The following SGK3 variants were observed in gnomAD, a reference collection of about 807,000 sequenced individuals.
SGK3 encodes the protein serum/glucocorticoid regulated kinase family member 3, also known as serine/threonine-protein kinase Sgk3.
In SGK3, 47 loss-of-function variants were observed where a neutral mutation model predicts 68.5. The ratio of observed to expected loss-of-function variants is 0.69; its 90% CI spans 0.54 to 0.87. The LOEUF (loss-of-function observed/expected upper bound fraction) is 0.87, where lower values mean the gene tolerates loss of function less well. Ranked by LOEUF, SGK3 falls within the 40% of genes least tolerant of loss-of-function variation. SGK3 has a pLI of 0.00. For synonymous variants in SGK3, 181 were observed against 189.1 expected (o/e 0.96, Z 0.35); for missense variants, 479 against 575.5 (o/e 0.83, Z 1.72).
chr8:66,722,099 G>T (rs1227681134), intron 1 of SGK3, among the ~76,000 whole-genome samples: 1 of 152,064 alleles, frequency 6.6e-6, no homozygotes, highest in African/African-American at 2.4e-5. Context: ...TAGGGATAGA[G>T]GATCAGGCCC....
intron 1 of SGK3, among the ~76,000 whole-genome samples, chr8:66,766,619 A>G (rs921794950): frequency 4.6e-5 from 7 of 152,168 alleles, no homozygotes; most frequent in South Asian, 4.1e-4. Context: ...TACTTGTGTT[A>G]TTATGAAAGG....
intron 6 of SGK3, among the ~76,000 whole-genome samples, chr8:66,823,579 G>A (rs1220266708): frequency 1.3e-5 from 2 of 151,922 alleles, no homozygotes; most frequent in Non-Finnish European, 1.5e-5. Flanking sequence ...TGTATTTTTA[G>A]TAGAGATGGA....
chr8:66,827,131 C>T (rs533327060), intron 6 of SGK3, among the ~76,000 whole-genome samples: 2 of 151,472 alleles, frequency 1.3e-5, no homozygotes, highest in African/African-American at 2.4e-5. Flanking sequence ...CCTGTAATCC[C>T]GCCACTTTGG....
At chr8:66,727,014 A>C (rs369324386) in intron 1 of SGK3, among the ~76,000 whole-genome samples, 1 of 152,140 alleles carries the variant, frequency 6.6e-6, no homozygotes, top group South Asian at 2.1e-4. Flanking sequence ...AATCCATGGA[A>C]ATAGAGCAAT....
At chr8:66,808,083 A>G (rs897688055) in intron 4 of SGK3, among the ~76,000 whole-genome samples, 1 of 152,218 alleles carries the variant, frequency 6.6e-6, no homozygotes, top group African/African-American at 2.4e-5. Flanking sequence ...AATAAATAAA[A>G]AACTAATAAA....
chr8:66,837,406 A>G (rs544226921), intron 10 of SGK3, among the ~76,000 whole-genome samples: 1 of 152,342 alleles, frequency 6.6e-6, no homozygotes, highest in South Asian at 2.1e-4. Flanking sequence ...TGCAAAACCG[A>G]AAGATGGTCA....
intron 5 of SGK3, among the ~76,000 whole-genome samples, chr8:66,816,356 T>TGTG (rs1554602622): frequency 1.1e-3 from 161 of 148,246 alleles, no homozygotes; most frequent in African/African-American, 3.9e-3. Flanking sequence ...TTTTTTTTTT[T>TGTG]TGTGTGTGAG....
At chr8:66,818,903 T>C (rs1808701603) in intron 5 of SGK3, among the ~76,000 whole-genome samples, 1 of 152,214 alleles carries the variant, frequency 6.6e-6, no homozygotes, top group Non-Finnish European at 1.5e-5. Flanking sequence ...GTGCCAACAT[T>C]TCTGATATAT....
chr8:66,822,572 A>G (rs1027692667), intron 6 of SGK3, 113 bp downstream of exon 6: 4 of 931,102 alleles, frequency 4.3e-6, no homozygotes. Flanking sequence ...TAGAGTTTCT[A>G]CTATGTAGAA....
At chr8:66,828,738 GA>G in intron 7 of SGK3, 35 bp downstream of exon 7, 2 of 1,610,018 alleles carry the variant, frequency 1.2e-6, no homozygotes, top group Non-Finnish European at 1.7e-6. Flanking sequence ...TTTTTTAACT[GA>G]ATTTTAGGAA....
intron 1 of SGK3, among the ~76,000 whole-genome samples, chr8:66,748,614 G>A (rs1434109707): frequency 6.6e-6 from 1 of 152,024 alleles, no homozygotes; most frequent in Non-Finnish European, 1.5e-5. Context: ...TTGCTGGCGA[G>A]GAACCCACAG....
At chr8:66,768,566 A>C (rs1408305206) in intron 1 of SGK3, among the ~76,000 whole-genome samples, 2 of 151,624 alleles carry the variant, frequency 1.3e-5, no homozygotes, top group African/African-American at 4.9e-5. Context: ...TGTACTATTT[A>C]TTTATTTATT....
At chr8:66,722,571 CT>C (rs769187266) in intron 1 of SGK3, among the ~76,000 whole-genome samples, 6 of 152,240 alleles carry the variant, frequency 3.9e-5, no homozygotes, top group Non-Finnish European at 7.3e-5. Context: ...CGTGCCCAGC[CT>C]CTGCAAAGAT....
intron 1 of SGK3, among the ~76,000 whole-genome samples, chr8:66,732,651 C>T (rs1396780422): frequency 6.6e-6 from 1 of 152,070 alleles, no homozygotes; most frequent in Non-Finnish European, 1.5e-5. Context: ...TCAAGACCAG[C>T]CTGGCCAACA....
At chr8:66,809,210 C>T (rs1808285338) in intron 4 of SGK3, among the ~76,000 whole-genome samples, 1 of 152,138 alleles carries the variant, frequency 6.6e-6, no homozygotes, top group South Asian at 2.1e-4. Flanking sequence ...AGCACTCTCT[C>T]CTGGAAATGC....
At chr8:66,767,548 C>G in intron 1 of SGK3, 1 of 1,500,132 alleles carries the variant, frequency 6.7e-7, no homozygotes, top group South Asian at 1.1e-5. Context: ...TTCAAGCTCT[C>G]TCTCCTCATC....
chr8:66,801,193 A>G (rs1807929781), intron 3 of SGK3, among the ~76,000 whole-genome samples: 1 of 152,228 alleles, frequency 6.6e-6, no homozygotes, highest in Admixed American at 6.5e-5. Flanking sequence ...TCAGTTAACC[A>G]TCCCAAATCT....
chr8:66,781,818 G>C (rs1806997045), intron 1 of SGK3, among the ~76,000 whole-genome samples: 1 of 152,190 alleles, frequency 6.6e-6, no homozygotes, highest in Non-Finnish European at 1.5e-5. Context: ...GAAAAACTGG[G>C]ACAGCTTTGT....
intron 5 of SGK3, among the ~76,000 whole-genome samples, chr8:66,821,984 T>TG (rs1808850457): frequency 2.9e-4 from 3 of 10,194 alleles, no homozygotes; most frequent in Admixed American, 1.5e-3. Flanking sequence ...TCTCTTTCCC[T>TG]ATTTTTTTTT....
Sources: gnomAD v4.1 joint callset for allele counts (sites outside exome capture counted in the v4.1 genomes callset) on GRCh38, gnomAD v4.1.1 for gene constraint, MANE v1.5 for transcripts, NCBI Gene and HGNC (gene_info 2026-07-23, HGNC 2026-07-21) for gene names.